The following C8orf34 variants were observed in gnomAD, a reference collection of about 807,000 sequenced individuals.
C8orf34 encodes uncharacterized protein C8orf34.
Under a neutral mutation model 68.3 loss-of-function variants are expected in C8orf34, and 65 were observed. The ratio of observed to expected loss-of-function variants is 0.95; its 90% CI spans 0.78 to 1.17. The LOEUF (loss-of-function observed/expected upper bound fraction) is 1.17, where lower values mean the gene tolerates loss of function less well. Ranked by LOEUF, C8orf34 falls within the 50% of genes most tolerant of loss-of-function variation. C8orf34 has a pLI of 0.00. For missense variants in C8orf34, 664 were observed against 655.4 expected, an observed-to-expected ratio of 1.01 and a Z score of -0.14; for synonymous variants, 244 against 241.2, an observed-to-expected ratio of 1.01 and a Z score of -0.11.
chr8:68,749,570 G>T (rs955920004), intron 10 of C8orf34, among the ~76,000 whole-genome samples: 2 of 78,350 alleles, frequency 2.6e-5, no homozygotes, highest in African/African-American at 7.9e-5. Context: ...ACCCCAGCAA[G>T]ATTCCTCATG....
intron 7 of C8orf34, among the ~76,000 whole-genome samples, chr8:68,550,921 C>CT (rs1390892390): frequency 6.6e-6 from 1 of 151,226 alleles, no homozygotes; most frequent in African/African-American, 2.4e-5. Flanking sequence ...GCTTCCCCCC[C>CT]TCTGGTTTCT....
chr8:68,759,685 A>C (rs960005968), intron 10 of C8orf34, among the ~76,000 whole-genome samples: 6 of 152,244 alleles, frequency 3.9e-5, no homozygotes, highest in Non-Finnish European at 8.8e-5. Flanking sequence ...GATTTTTCTG[A>C]CTACCTTTCA....
At chr8:68,792,078 G>C (rs1263992125) in intron 12 of C8orf34, 1 of 152,126 alleles carries the variant, frequency 6.6e-6, no homozygotes, top group South Asian at 2.1e-4. Flanking sequence ...GTAAATGTAA[G>C]AACTGGGGCA....
intron 8 of C8orf34, among the ~76,000 whole-genome samples, chr8:68,707,716 C>T (rs1383897091): frequency 1.3e-5 from 2 of 152,060 alleles, no homozygotes; most frequent in African/African-American, 4.8e-5. Context: ...GCTGAGATTA[C>T]AGGAGTGAGC....
At chr8:68,401,081 A>G (rs2591012) in intron 1 of C8orf34, among the ~76,000 whole-genome samples, 81,662 of 149,292 alleles carry the variant, frequency 0.55, 22,650 homozygotes, top group Non-Finnish European at 0.62. Flanking sequence ...TTCCTTATAG[A>G]GATCTTTCAC....
At chr8:68,699,648 C>A (rs1820932077) in intron 8 of C8orf34, among the ~76,000 whole-genome samples, 1 of 152,108 alleles carries the variant, frequency 6.6e-6, no homozygotes, top group South Asian at 2.1e-4. Context: ...TTAGTGTTGA[C>A]ATTTTTACAT....
intron 10 of C8orf34, among the ~76,000 whole-genome samples, chr8:68,734,807 C>T (rs765272661): frequency 3.9e-5 from 6 of 152,076 alleles, no homozygotes; most frequent in South Asian, 2.1e-4. Context: ...TCCCATCTGG[C>T]GGGTAGTGGG....
intron 11 of C8orf34, among the ~76,000 whole-genome samples, chr8:68,784,961 C>T (rs1056414762): frequency 1.3e-5 from 2 of 152,078 alleles, no homozygotes; most frequent in Non-Finnish European, 2.9e-5. Flanking sequence ...ATTTTAGAAA[C>T]CAAGATTGGG....
At chr8:68,484,457 A>G (rs1270107918) in intron 4 of C8orf34, among the ~76,000 whole-genome samples, 2 of 152,184 alleles carry the variant, frequency 1.3e-5, no homozygotes, top group Admixed American at 1.3e-4. Flanking sequence ...GCTCATTAAG[A>G]GTCCTACCCT....
chr8:68,659,612 C>T (rs1819612602), intron 8 of C8orf34, among the ~76,000 whole-genome samples: 1 of 152,180 alleles, frequency 6.6e-6, no homozygotes, highest in Non-Finnish European at 1.5e-5. Context: ...TACCTTACTC[C>T]ACTGCTAAAG....
intron 3 of C8orf34, among the ~76,000 whole-genome samples, chr8:68,462,385 G>C (rs927296793): frequency 6.6e-6 from 1 of 152,142 alleles, no homozygotes; most frequent in African/African-American, 2.4e-5. Context: ...ACATCAATGA[G>C]ACAGAAAGTT....
intron 7 of C8orf34, among the ~76,000 whole-genome samples, chr8:68,571,068 C>T (rs942385421): frequency 1.3e-5 from 2 of 152,060 alleles, no homozygotes; most frequent in African/African-American, 4.8e-5. Flanking sequence ...TGGCACTATT[C>T]CTCCGTGGAG....
intron 12 of C8orf34, among the ~76,000 whole-genome samples, chr8:68,809,876 A>G (rs1230839467): frequency 1.3e-5 from 2 of 152,222 alleles, no homozygotes; most frequent in African/African-American, 2.4e-5. Context: ...GTGTAGGCAT[A>G]ATAAAGATGG....
intron 8 of C8orf34, among the ~76,000 whole-genome samples, chr8:68,663,302 G>C (rs1819739491): frequency 6.6e-6 from 1 of 152,136 alleles, no homozygotes; most frequent in Non-Finnish European, 1.5e-5. Context: ...TCATTTATCT[G>C]GGTTAGCTCC....
At chr8:68,790,539 A>G (rs1482233608) in intron 12 of C8orf34, among the ~76,000 whole-genome samples, 2 of 152,244 alleles carry the variant, frequency 1.3e-5, no homozygotes, top group East Asian at 3.8e-4. Flanking sequence ...AAATTTTTAT[A>G]AATCAGCACC....
At chr8:68,657,015 T>G (rs1025603131) in intron 8 of C8orf34, among the ~76,000 whole-genome samples, 1 of 152,154 alleles carries the variant, frequency 6.6e-6, no homozygotes, top group Non-Finnish European at 1.5e-5. Flanking sequence ...GTATTTTTAT[T>G]TTTTATCTTC....
intron 1 of C8orf34, among the ~76,000 whole-genome samples, chr8:68,336,214 G>GAAGCCATGAACCATACAAAGAGAACAGCT (rs1805844264): frequency 2.0e-5 from 3 of 149,920 alleles, no homozygotes; most frequent in Non-Finnish European, 4.4e-5. Flanking sequence ...ATTCAATTAA[G>GAAGCCATGAACCATACAAAGAGAACAGCT]AAGCCATGAA....
At chr8:68,535,234 G>T in intron 7 of C8orf34, 2 of 977,984 alleles carry the variant, frequency 2.0e-6, no homozygotes, top group Non-Finnish European at 2.4e-6. Context: ...TAATTTTATA[G>T]AGTTTATATA....
chr8:68,461,258 A>G (rs1811809336), intron 3 of C8orf34, among the ~76,000 whole-genome samples: 1 of 152,226 alleles, frequency 6.6e-6, no homozygotes, highest in African/African-American at 2.4e-5. Flanking sequence ...ATAAAAAGAA[A>G]TGAACAAAGC....
Sources: allele counts gnomAD v4.1 joint callset (sites outside exome capture counted in the v4.1 genomes callset), GRCh38; gene constraint gnomAD v4.1.1; transcripts MANE v1.5; gene names NCBI Gene and HGNC (gene_info 2026-07-23, HGNC 2026-07-21).